CELF2: variants seen among roughly 807,000 people sequenced by gnomAD.
CELF2 encodes CUG triplet repeat RNA-binding protein 2.
CELF2 carries 8 observed loss-of-function variants against 62.6 expected under a neutral mutation model. The observed-to-expected ratio is 0.13, with a 90% CI of 0.07 to 0.23. The LOEUF is 0.23. Ranked by LOEUF, CELF2 falls within the 10% of genes least tolerant of loss-of-function variation. The pLI is 1.00. For missense variants in CELF2, 333 were observed against 671.0 expected (o/e 0.50, Z 5.56); for synonymous variants, 258 against 250.0 (o/e 1.03, Z -0.30).
At chr10:10,833,848 C>G (rs1047985729) in intron 1 of CELF2, among the ~76,000 whole-genome samples, 1 of 152,180 alleles carries the variant, frequency 6.6e-6, no homozygotes, top group Non-Finnish European at 1.5e-5. Flanking sequence ...AAGGGAATGT[C>G]CATACCCTGT....
At chr10:11,152,120 G>A (rs2063453337) in intron 1 of CELF2, among the ~76,000 whole-genome samples, 3 of 152,168 alleles carry the variant, frequency 2.0e-5, no homozygotes, top group African/African-American at 4.8e-5. Flanking sequence ...TGAAGAATGG[G>A]CTTGGGTAGG....
chr10:10,686,813 T>C, the CELF2 span, among the ~76,000 whole-genome samples: 1 of 152,088 alleles, frequency 6.6e-6, no homozygotes. Context: ...AGCATGGAAA[T>C]AGACTGATAC....
chr10:11,033,457 A>G (rs1001709310), intron 1 of CELF2, among the ~76,000 whole-genome samples: 21 of 152,040 alleles, frequency 1.4e-4, no homozygotes, highest in East Asian at 9.6e-4. Context: ...GGGTTTCTCT[A>G]TGTTGGTCAG....
the CELF2 span, among the ~76,000 whole-genome samples, chr10:10,567,805 G>C: frequency 1.3e-5 from 2 of 152,176 alleles, no homozygotes; most frequent in South Asian, 2.1e-4. Flanking sequence ...CCTTCTGGCA[G>C]GACTCCCAGC....
chr10:11,171,005 G>C (rs977037435), intron 2 of CELF2, among the ~76,000 whole-genome samples: 2 of 152,192 alleles, frequency 1.3e-5, no homozygotes, highest in Non-Finnish European at 2.9e-5. Context: ...CAGCACCTCA[G>C]TCCTAACCAA....
At chr10:10,647,835 C>T in the CELF2 span, among the ~76,000 whole-genome samples, 1 of 152,164 alleles carries the variant, frequency 6.6e-6, no homozygotes, top group East Asian at 1.9e-4. Flanking sequence ...ATTCCATGGG[C>T]CTGTCATCGC....
the CELF2 span, among the ~76,000 whole-genome samples, chr10:10,488,847 C>T: frequency 5.9e-5 from 9 of 151,976 alleles, no homozygotes; most frequent in Admixed American, 5.9e-4. Flanking sequence ...GTTTGAAAAA[C>T]CGTATAACCA....
the CELF2 span, among the ~76,000 whole-genome samples, chr10:10,656,402 C>A: frequency 7.5e-6 from 1 of 133,424 alleles, no homozygotes; most frequent in Non-Finnish European, 1.6e-5. Flanking sequence ...AATCATGCTG[C>A]TATAAAGACA....
At chr10:10,500,989 C>A in the CELF2 span, among the ~76,000 whole-genome samples, 55 of 152,254 alleles carry the variant, frequency 3.6e-4, no homozygotes, top group African/African-American at 1.2e-3. Flanking sequence ...TTCCATGGTA[C>A]GGATGTGCCA....
the CELF2 span, among the ~76,000 whole-genome samples, chr10:10,744,729 C>T: frequency 7.9e-5 from 12 of 151,690 alleles, no homozygotes; most frequent in African/African-American, 2.9e-4. Context: ...ATGAGATGAG[C>T]CCCTTCTAGT....
chr10:10,776,906 G>A, the CELF2 span, among the ~76,000 whole-genome samples: 117 of 152,310 alleles, frequency 7.7e-4, 2 homozygotes, highest in East Asian at 0.02. Context: ...AGGTCAACAC[G>A]TCCTCCGGAA....
intron 1 of CELF2, among the ~76,000 whole-genome samples, chr10:11,070,772 CAG>C (rs1417488469): frequency 6.6e-6 from 1 of 152,088 alleles, no homozygotes. Flanking sequence ...TGAAGGAAGA[CAG>C]AGGAGGTGAA....
chr10:10,652,024 T>G, the CELF2 span, among the ~76,000 whole-genome samples: 1 of 149,972 alleles, frequency 6.7e-6, no homozygotes, highest in Non-Finnish European at 1.5e-5. Flanking sequence ...GAGAAGTGCT[T>G]AAAGGAGCTG....
intron 1 of CELF2, among the ~76,000 whole-genome samples, chr10:10,891,353 A>G (rs909093596): frequency 6.6e-6 from 1 of 152,130 alleles, no homozygotes; most frequent in African/African-American, 2.4e-5. Flanking sequence ...CTCTAAGACA[A>G]AGTTGAAAGA....
the CELF2 span, among the ~76,000 whole-genome samples, chr10:10,618,850 TC>T: frequency 6.6e-6 from 1 of 152,168 alleles, no homozygotes; most frequent in South Asian, 2.1e-4. Context: ...GTCTTCTGGT[TC>T]CATGGTGAAA....
the CELF2 span, among the ~76,000 whole-genome samples, chr10:10,651,165 G>C: frequency 2.4e-5 from 3 of 122,792 alleles, no homozygotes; most frequent in Admixed American, 2.4e-4. Flanking sequence ...TTTCAGACCT[G>C]CTTAAAAAAC....
rs561403029 is a variant in CELF2 at position 10,875,394 on chromosome 10, A to G, written c.54-44570A>G. On this transcript the variant is annotated intron_variant, in intron 1 of 13. Coordinates refer to the CELF2 transcript ENST00000636488. The stretch of plus-strand genomic sequence containing the variant: ...TTTTTACGTGTAATCACATTTTCAG[A>G]GGGGATTTTTATATAGTCTGCTCCA... Among the ~76,000 whole-genome samples, 17 of 152,278 alleles carry G rather than the reference A, an allele frequency of 1.1e-4. 1 individual carries two copies. The South Asian group carries it at 3.5e-3, about 32-fold the overall frequency.
the CELF2 span, among the ~76,000 whole-genome samples, chr10:10,577,284 A>C: frequency 6.6e-6 from 1 of 151,946 alleles, no homozygotes; most frequent in African/African-American, 2.4e-5. Flanking sequence ...TCACTTGATC[A>C]CCTCTTCAGT....
chr10:10,648,642 T>A, the CELF2 span, among the ~76,000 whole-genome samples: 1 of 152,220 alleles, frequency 6.6e-6, no homozygotes, highest in Non-Finnish European at 1.5e-5. Context: ...CTGGAAGCAA[T>A]GGTCTGTAGC....
Sources: allele counts gnomAD v4.1 joint callset (sites outside exome capture counted in the v4.1 genomes callset), GRCh38; gene constraint gnomAD v4.1.1; transcripts MANE v1.5; gene names NCBI Gene and HGNC (gene_info 2026-07-23, HGNC 2026-07-21).